TENM3: variants seen among roughly 807,000 people sequenced by gnomAD.
TENM3 encodes teneurin-3.
In TENM3, 63 loss-of-function variants were observed where a neutral mutation model predicts 255.1. That is an observed-to-expected ratio of 0.25 (90% CI 0.20 to 0.30). The LOEUF (loss-of-function observed/expected upper bound fraction) is 0.30. TENM3 is among the 10% of genes least tolerant of loss of function. TENM3 has a pLI of 1.00. For missense variants in TENM3, 2,929 were observed against 3,461.1 expected, an observed-to-expected ratio of 0.85 and a Z score of 3.86; for synonymous variants, 1,306 against 1,322.3, an observed-to-expected ratio of 0.99 and a Z score of 0.27.
At chr4:182,517,299 C>T (rs1391873557) in intron 3 of TENM3, among the ~76,000 whole-genome samples, 2 of 151,476 alleles carry the variant, frequency 1.3e-5, no homozygotes, top group Admixed American at 6.6e-5. Context: ...CAGAGCTTCA[C>T]GGTAGCACTA....
chr4:182,238,043 G>C (rs1756999999), intron 1 of TENM3, among the ~76,000 whole-genome samples: 2 of 152,152 alleles, frequency 1.3e-5, no homozygotes, highest in Admixed American at 1.3e-4. Flanking sequence ...TAAGACTACA[G>C]GTGGCTTGGT....
At chr4:181,973,420 A>G in the TENM3 span, among the ~76,000 whole-genome samples, 6 of 152,208 alleles carry the variant, frequency 3.9e-5, no homozygotes, top group Admixed American at 3.9e-4. Flanking sequence ...ACCAGAGCAG[A>G]GAAAACGGAG....
chr4:181,840,912 A>G, the TENM3 span, among the ~76,000 whole-genome samples: 1 of 152,096 alleles, frequency 6.6e-6, no homozygotes, highest in Non-Finnish European at 1.5e-5. Context: ...CAGCCTGAGT[A>G]TTTTCTGCAC....
At chr4:182,100,640 T>TATATATATACAC in the TENM3 span, among the ~76,000 whole-genome samples, 4 of 50,826 alleles carry the variant, frequency 7.9e-5, no homozygotes, top group Non-Finnish European at 1.5e-4. Context: ...TATATACACA[T>TATATATATACAC]ATATATACAC....
At chr4:182,779,947 G>A (rs1052517223) in intron 24 of TENM3, among the ~76,000 whole-genome samples, 27 of 151,496 alleles carry the variant, frequency 1.8e-4, no homozygotes, top group African/African-American at 6.5e-4. Context: ...TGTAGATTCT[G>A]GATATTAGCC....
At chr4:182,094,367 T>G in the TENM3 span, among the ~76,000 whole-genome samples, 1 of 151,836 alleles carries the variant, frequency 6.6e-6, no homozygotes. Flanking sequence ...CACCTCAGCC[T>G]CCCGAGTAGC....
intron 1 of TENM3, among the ~76,000 whole-genome samples, chr4:182,292,932 C>G (rs1761216515): frequency 6.6e-6 from 1 of 152,116 alleles, no homozygotes; most frequent in Non-Finnish European, 1.5e-5. Context: ...AGTCCCAAGC[C>G]CAGGGTACAA....
chr4:182,651,323 A>G (rs909798378), intron 5 of TENM3, among the ~76,000 whole-genome samples: 1 of 152,112 alleles, frequency 6.6e-6, no homozygotes, highest in African/African-American at 2.4e-5. Context: ...AGAATGACAC[A>G]TGAAGTTATA....
the TENM3 span, among the ~76,000 whole-genome samples, chr4:181,942,811 T>G: frequency 6.6e-6 from 1 of 152,358 alleles, no homozygotes; most frequent in African/African-American, 2.4e-5. Context: ...TTCATGTCCT[T>G]ACTCTGGTAC....
the TENM3 span, among the ~76,000 whole-genome samples, chr4:182,091,434 T>A: frequency 6.6e-6 from 1 of 152,158 alleles, no homozygotes; most frequent in Non-Finnish European, 1.5e-5. Context: ...GGTAGCCAGA[T>A]GGTGGTAACT....
At chr4:181,839,675 T>G in the TENM3 span, among the ~76,000 whole-genome samples, 1 of 151,136 alleles carries the variant, frequency 6.6e-6, no homozygotes, top group Non-Finnish European at 1.5e-5. Context: ...TGGGGGTGCT[T>G]TTTCACTATG....
the TENM3 span, among the ~76,000 whole-genome samples, chr4:181,616,276 G>A: frequency 0.11 from 8,367 of 75,768 alleles, 403 homozygotes; most frequent in East Asian, 0.22. Context: ...ATTAGTAAAG[G>A]TTTCCAAAAA....
intron 3 of TENM3, among the ~76,000 whole-genome samples, chr4:182,565,382 C>T (rs1743670287): frequency 6.6e-6 from 1 of 152,048 alleles, no homozygotes; most frequent in South Asian, 2.1e-4. Context: ...ATATCTACAC[C>T]CATTTACTAC....
the TENM3 span, among the ~76,000 whole-genome samples, chr4:181,629,328 T>A: frequency 6.6e-6 from 1 of 152,198 alleles, no homozygotes; most frequent in East Asian, 1.9e-4. Flanking sequence ...TACCCTTTAT[T>A]TCTTTCTCCT....
At chr4:182,283,839 T>G (rs1311974558) in intron 1 of TENM3, among the ~76,000 whole-genome samples, 1 of 152,180 alleles carries the variant, frequency 6.6e-6, no homozygotes, top group South Asian at 2.1e-4. Context: ...CTTATTTTTC[T>G]TCGATTTCTG....
rs6813808 is a variant in TENM3, at chr4:182,658,026, C to T, written c.1111+4133C>T. Reference sequence around the variant, plus strand: ...TCTCTGCCTTCTGTTTACCCCCTTACAGTTGGGCTTTCACAGTACCCCTAG... The same window carrying T: ...TCTCTGCCTTCTGTTTACCCCCTTATAGTTGGGCTTTCACAGTACCCCTAG... On this transcript the variant is annotated intron_variant, in intron 6 of 27. Transcript: ENST00000511685. 8.2e-3 allele frequency among the ~76,000 whole-genome samples: 1,244 copies of T among 152,280 alleles called. 16 individuals are homozygous for T. The highest frequency in any genetic ancestry group is 0.028 in the African/African-American group (1,179 of 41,548).
At chr4:181,858,221 CA>C in the TENM3 span, among the ~76,000 whole-genome samples, 1 of 152,168 alleles carries the variant, frequency 6.6e-6, no homozygotes, top group African/African-American at 2.4e-5. Context: ...TGAATTTTGG[CA>C]TATGTGTTGA....
At chr4:182,389,852 A>AT (rs1355801118) in intron 3 of TENM3, among the ~76,000 whole-genome samples, 1 of 151,786 alleles carries the variant, frequency 6.6e-6, no homozygotes, top group East Asian at 1.9e-4. Flanking sequence ...CTCCCGGCTA[A>AT]TTTTTTGTAT....
chr4:181,471,625 A>G, the TENM3 span, among the ~76,000 whole-genome samples: 1 of 152,162 alleles, frequency 6.6e-6, no homozygotes, highest in Non-Finnish European at 1.5e-5. Context: ...ACTTCACCCG[A>G]CTTCAGGCAT....
Sources: gnomAD v4.1 joint callset for allele counts (sites outside exome capture counted in the v4.1 genomes callset) on GRCh38, gnomAD v4.1.1 for gene constraint, MANE v1.5 for transcripts, NCBI Gene and HGNC (gene_info 2026-07-23, HGNC 2026-07-21) for gene names.